Variants in DHX15 observed in about 807,000 individuals in gnomAD.
The protein encoded by DHX15 is ATP-dependent RNA helicase DHX15.
Under a neutral mutation model 94.4 loss-of-function variants are expected in DHX15, and 11 were observed. That is an observed-to-expected ratio of 0.12 (90% CI 0.07 to 0.19). DHX15 has a LOEUF of 0.19. DHX15 is among the 10% of genes least tolerant of loss of function. DHX15 has a pLI of 1.00. For missense variants in DHX15, 304 were observed against 988.5 expected (o/e 0.31, Z 9.29); for synonymous variants, 338 against 329.9 (o/e 1.02, Z -0.27).
At chr4:24,529,811 G>T (rs779737355) in intron 12 of DHX15, 41 bp from the exon 13 acceptor site, 1 of 1,600,608 alleles carries the variant, frequency 6.2e-7, no homozygotes, top group Non-Finnish European at 8.6e-7. Context: ...CAATGCTTCT[G>T]ACTTGCTAGT....
chr4:24,557,275 T>C (rs1008844459), intron 3 of DHX15, among the ~76,000 whole-genome samples: 1 of 152,184 alleles, frequency 6.6e-6, no homozygotes, highest in African/African-American at 2.4e-5. Context: ...TTTTGGCACC[T>C]GGACAAAACA....
chr4:24,568,466 T>C (rs1360669723), intron 3 of DHX15, among the ~76,000 whole-genome samples: 1 of 152,208 alleles, frequency 6.6e-6, no homozygotes, highest in Non-Finnish European at 1.5e-5. Flanking sequence ...TTATAACCTC[T>C]AGAAAATGCT....
At chr4:24,547,113 C>T (rs1055910006) in intron 6 of DHX15, among the ~76,000 whole-genome samples, 1 of 152,158 alleles carries the variant, frequency 6.6e-6, no homozygotes, top group African/African-American at 2.4e-5. Context: ...CTTTACTCTC[C>T]CTAGGACTGT....
At chr4:24,569,043 G>T (rs536445242) in intron 3 of DHX15, among the ~76,000 whole-genome samples, 202 of 152,154 alleles carry the variant, frequency 1.3e-3, no homozygotes, top group African/African-American at 4.8e-3. Context: ...ATAAATCAAA[G>T]AATTAGAAAA....
intron 2 of DHX15, among the ~76,000 whole-genome samples, chr4:24,572,382 C>A (rs140593267): frequency 3.3e-5 from 5 of 152,276 alleles, no homozygotes; most frequent in Middle Eastern, 3.4e-3. Flanking sequence ...GTGATGCACC[C>A]GCCTCAGCCT....
intron 6 of DHX15, among the ~76,000 whole-genome samples, chr4:24,548,121 T>C (rs993386345): frequency 2.0e-5 from 3 of 148,692 alleles, no homozygotes; most frequent in Non-Finnish European, 3.0e-5. Context: ...CACATACTTA[T>C]GCAGTGTGAT....
intron 9 of DHX15, among the ~76,000 whole-genome samples, chr4:24,540,545 T>C (rs1340478941): frequency 6.6e-6 from 1 of 152,074 alleles, no homozygotes; most frequent in African/African-American, 2.4e-5. Flanking sequence ...ATCAATGTGT[T>C]TATCAAACTG....
intron 3 of DHX15, among the ~76,000 whole-genome samples, chr4:24,561,128 G>A (rs1043381758): frequency 3.3e-5 from 5 of 152,212 alleles, no homozygotes; most frequent in African/African-American, 1.2e-4. Flanking sequence ...GTACAAGTTT[G>A]TAAGAGGATA....
intron 10 of DHX15, chr4:24,539,044 A>G (rs1560762291): frequency 6.6e-6 from 1 of 152,138 alleles, no homozygotes; most frequent in Non-Finnish European, 1.5e-5. Flanking sequence ...TGAAGCTACA[A>G]TTTAATTAAA....
intron 1 of DHX15, among the ~76,000 whole-genome samples, chr4:24,581,187 C>T (rs1031936008): frequency 1.3e-5 from 2 of 152,042 alleles, no homozygotes; most frequent in African/African-American, 4.8e-5. Flanking sequence ...CGCCACCACA[C>T]CCGGCTAATT....
intron 3 of DHX15, among the ~76,000 whole-genome samples, chr4:24,568,952 A>G (rs928650942): frequency 9.2e-5 from 14 of 152,254 alleles, no homozygotes; most frequent in African/African-American, 2.4e-4. Context: ...CCATAAAGTC[A>G]TAAGGATAAG....
intron 3 of DHX15, among the ~76,000 whole-genome samples, chr4:24,567,851 A>G (rs565036786): frequency 4.9e-4 from 75 of 152,336 alleles, no homozygotes; most frequent in African/African-American, 1.7e-3. Flanking sequence ...GGATGGGGAC[A>G]AGCAAACACA....
chr4:24,536,129 C>T (rs1721192446), intron 11 of DHX15, among the ~76,000 whole-genome samples: 1 of 152,114 alleles, frequency 6.6e-6, no homozygotes, highest in East Asian at 1.9e-4. Flanking sequence ...GCAATAACTT[C>T]ATTGTTATTA....
chr4:24,546,127 T>C (rs898573199), intron 6 of DHX15, among the ~76,000 whole-genome samples: 7 of 152,192 alleles, frequency 4.6e-5, no homozygotes, highest in African/African-American at 1.7e-4. Flanking sequence ...AATTTGGACT[T>C]TTAGTCCCCA....
rs776064489 is a variant in DHX15 at position 24,542,988 on chromosome 4, T to C, written c.1287A>G (p.Thr429=). 3 of 1,612,784 alleles carry C rather than the reference T, an allele frequency of 1.9e-6. No homozygotes were observed. The South Asian group carries it at 3.3e-5, about 18-fold the overall frequency. ...VSTNIAETSL[T]IDGVVFVIDP... is the part of the protein sequence containing the mutation. The stretch of plus-strand genomic sequence containing the variant: ...CAATCACAAACACCACACCATCTAT[T>C]GTCAAAGACGTCTCTGCTATGTTAG... The change falls in exon 7 of 14, where the codon ACA becomes ACG. Residue 429 remains threonine, a synonymous_variant. Transcript: ENST00000336812.
intron 11 of DHX15, chr4:24,533,585 C>CGACCA: frequency 1.3e-5 from 2 of 156,740 alleles, no homozygotes; most frequent in African/African-American, 2.4e-5. Context: ...TACAAGGATG[C>CGACCA]CCGAAACCTC....
intron 3 of DHX15, among the ~76,000 whole-genome samples, chr4:24,561,220 A>G (rs1301030742): frequency 6.6e-6 from 1 of 152,246 alleles, no homozygotes; most frequent in Non-Finnish European, 1.5e-5. Context: ...CTAAGGTACA[A>G]TCACAAATGC....
Position 24,555,092 on chromosome 4 carries a change from T to C in DHX15, c.862-149A>G, listed in dbSNP as rs1721698553. ...AACTGTAAATGAAAAATCAAATACA[T>C]AATGGCTGAACTATAGTAAAAGTTA... On this transcript the variant is annotated intron_variant, in intron 4 of 13. Transcript: ENST00000336812. 7.6e-6 allele frequency: 4 copies of C among 526,892 alleles called. No homozygotes were observed. In the South Asian group the frequency reaches 1.3e-4, roughly 18 times the overall value. 32.6% of individuals were successfully genotyped at this position (526,892 alleles called of 1,614,324 possible).
intron 12 of DHX15, among the ~76,000 whole-genome samples, chr4:24,531,976 A>G (rs1577331213): frequency 6.6e-6 from 1 of 152,322 alleles, no homozygotes; most frequent in Middle Eastern, 3.4e-3. Context: ...CTAGCTACTG[A>G]GCCCATCTGG....
Sources: allele counts gnomAD v4.1 joint callset (sites outside exome capture counted in the v4.1 genomes callset), GRCh38; gene constraint gnomAD v4.1.1; transcripts MANE v1.5; gene names NCBI Gene and HGNC (gene_info 2026-07-23, HGNC 2026-07-21).